The following GABRB1 variants were observed in gnomAD, a reference collection of about 807,000 sequenced individuals.
GABRB1 encodes the protein gamma-aminobutyric acid type A receptor subunit beta1.
GABRB1 carries 17 observed loss-of-function variants against 51.6 expected under a neutral mutation model. That is an observed-to-expected ratio of 0.33 (90% CI 0.23 to 0.49). The LOEUF is 0.49. Among genes scored for constraint, GABRB1 ranks in the 20% least tolerant of loss-of-function variants. GABRB1 has a pLI of 0.99. For synonymous variants in GABRB1, 247 were observed against 218.9 expected (o/e 1.13, Z -1.14); for missense variants, 410 against 600.6 (o/e 0.68, Z 3.32).
chr4:47,233,277 A>G (rs1034597482), intron 4 of GABRB1, among the ~76,000 whole-genome samples: 1 of 152,186 alleles, frequency 6.6e-6, no homozygotes, highest in African/African-American at 2.4e-5. Flanking sequence ...TTTCTATAAA[A>G]TGAAGCTAAT....
At chr4:47,091,700 C>T (rs950939734) in intron 3 of GABRB1, among the ~76,000 whole-genome samples, 2 of 152,202 alleles carry the variant, frequency 1.3e-5, no homozygotes, top group Non-Finnish European at 2.9e-5. Context: ...GACCCACCTG[C>T]ATACACTGAT....
chr4:47,058,532 C>T (rs1348648276), intron 3 of GABRB1, among the ~76,000 whole-genome samples: 4 of 152,210 alleles, frequency 2.6e-5, no homozygotes, highest in Non-Finnish European at 4.4e-5. Flanking sequence ...TCCATGCATC[C>T]GGGCTTTTGG....
intron 5 of GABRB1, among the ~76,000 whole-genome samples, chr4:47,392,684 G>A (rs1252398997): frequency 2.0e-5 from 3 of 152,130 alleles, no homozygotes; most frequent in African/African-American, 4.8e-5. Context: ...CTTCCTAGGG[G>A]AAGTATCTAA....
At chr4:47,264,132 ACT>A (rs1722558018) in intron 4 of GABRB1, among the ~76,000 whole-genome samples, 2 of 152,154 alleles carry the variant, frequency 1.3e-5, no homozygotes, top group African/African-American at 4.8e-5. Flanking sequence ...AAAGTGCAAG[ACT>A]CTATCTCAAA....
At chr4:47,037,191 T>C (rs529733288) in intron 3 of GABRB1, among the ~76,000 whole-genome samples, 7 of 152,196 alleles carry the variant, frequency 4.6e-5, no homozygotes, top group Non-Finnish European at 1.0e-4. Context: ...GGGACACCTA[T>C]GCCTTTTTTC....
intron 3 of GABRB1, among the ~76,000 whole-genome samples, chr4:47,155,030 T>G (rs1717629463): frequency 6.6e-6 from 1 of 152,044 alleles, no homozygotes; most frequent in Non-Finnish European, 1.5e-5. Flanking sequence ...CCATCTCAAC[T>G]TTTTCGAGCC....
At chr4:47,087,816 T>G (rs1728142014) in intron 3 of GABRB1, among the ~76,000 whole-genome samples, 1 of 152,164 alleles carries the variant, frequency 6.6e-6, no homozygotes, top group African/African-American at 2.4e-5. Flanking sequence ...GATAATATAA[T>G]CTAACTGTTG....
chr4:47,212,950 A>G (rs1720422287), intron 4 of GABRB1, among the ~76,000 whole-genome samples: 1 of 152,168 alleles, frequency 6.6e-6, no homozygotes, highest in Non-Finnish European at 1.5e-5. Context: ...ACCTGATGAC[A>G]TGGATAAACT....
At chr4:47,380,729 GT>G (rs1187990939) in intron 5 of GABRB1, among the ~76,000 whole-genome samples, 4 of 152,086 alleles carry the variant, frequency 2.6e-5, no homozygotes. Context: ...TTCTATTATG[GT>G]TTTTGCTTAT....
chr4:47,054,173 G>A (rs1726482096), intron 3 of GABRB1, among the ~76,000 whole-genome samples: 1 of 151,310 alleles, frequency 6.6e-6, no homozygotes, highest in Admixed American at 6.6e-5. Context: ...TGTCATATCT[G>A]CATATAAAAG....
At chr4:47,095,950 A>G (rs975295247) in intron 3 of GABRB1, among the ~76,000 whole-genome samples, 1 of 152,240 alleles carries the variant, frequency 6.6e-6, no homozygotes, top group African/African-American at 2.4e-5. Context: ...TTCCAAATAT[A>G]AAGTGCTCAG....
At chr4:47,128,322 T>A (rs1560548036) in intron 3 of GABRB1, among the ~76,000 whole-genome samples, 1 of 151,790 alleles carries the variant, frequency 6.6e-6, no homozygotes, top group Admixed American at 6.6e-5. Context: ...TGCGAGTCCA[T>A]CTTAAGCTTG....
At chr4:47,251,535 C>T (rs1721988428) in intron 4 of GABRB1, among the ~76,000 whole-genome samples, 1 of 152,068 alleles carries the variant, frequency 6.6e-6, no homozygotes, top group African/African-American at 2.4e-5. Context: ...TTGTCTTCAC[C>T]TAACAGGGTG....
At chr4:47,095,820 C>T (rs554310563) in intron 3 of GABRB1, among the ~76,000 whole-genome samples, 4 of 152,094 alleles carry the variant, frequency 2.6e-5, no homozygotes, top group Admixed American at 6.5e-5. Flanking sequence ...CATAAGCCAT[C>T]GGTAGTCTTT....
At chr4:47,134,628 A>G (rs922990959) in intron 3 of GABRB1, among the ~76,000 whole-genome samples, 9 of 152,216 alleles carry the variant, frequency 5.9e-5, no homozygotes, top group Admixed American at 2.0e-4. Context: ...ATAATAAGGA[A>G]TCATCTGTCA....
At chr4:47,158,913 A>G (rs1184315294) in intron 3 of GABRB1, among the ~76,000 whole-genome samples, 2 of 152,196 alleles carry the variant, frequency 1.3e-5, no homozygotes, top group East Asian at 1.9e-4. Context: ...TATGGTTTCT[A>G]AAGTACCTTA....
At chr4:47,049,738 CA>C (rs976799090) in intron 3 of GABRB1, among the ~76,000 whole-genome samples, 3 of 151,352 alleles carry the variant, frequency 2.0e-5, no homozygotes, top group Non-Finnish European at 3.0e-5. Flanking sequence ...TCTACAGAAA[CA>C]AAAAAACAAA....
chr4:47,414,500 T>G (rs1017226326), intron 8 of GABRB1, among the ~76,000 whole-genome samples: 1 of 152,204 alleles, frequency 6.6e-6, no homozygotes, highest in Non-Finnish European at 1.5e-5. Flanking sequence ...TTTATCTCAG[T>G]AAGCAGAGGG....
At chr4:47,257,639 C>A (rs763543358) in intron 4 of GABRB1, among the ~76,000 whole-genome samples, 1 of 148,292 alleles carries the variant, frequency 6.7e-6, no homozygotes, top group Middle Eastern at 3.5e-3. Context: ...TAGAGAAGGG[C>A]AAAGTGACTA....
Sources: gnomAD v4.1 joint callset for allele counts (sites outside exome capture counted in the v4.1 genomes callset) on GRCh38, gnomAD v4.1.1 for gene constraint, MANE v1.5 for transcripts, NCBI Gene and HGNC (gene_info 2026-07-23, HGNC 2026-07-21) for gene names.